The following MAF variants were observed in gnomAD, a reference collection of about 807,000 sequenced individuals.
The protein encoded by MAF is MAF bZIP transcription factor.
In MAF, 10 loss-of-function variants were observed where a neutral mutation model predicts 22.0. The observed-to-expected ratio is 0.45, with a 90% CI of 0.28 to 0.77. The LOEUF is 0.77. MAF is among the 30% of genes least tolerant of loss of function. The pLI is 0.12. For synonymous variants in MAF, 337 were observed against 255.8 expected (o/e 1.32, Z -3.03); for missense variants, 544 against 548.4 (o/e 0.99, Z 0.08).
the MAF span, among the ~76,000 whole-genome samples, chr16:79,449,265 A>G: frequency 6.6e-6 from 1 of 152,178 alleles, no homozygotes; most frequent in African/African-American, 2.4e-5. Flanking sequence ...TGCCCTCTTG[A>G]TGCGCTGCCC....
the MAF span, among the ~76,000 whole-genome samples, chr16:79,507,982 C>T: frequency 1.3e-5 from 2 of 152,014 alleles, no homozygotes; most frequent in African/African-American, 2.4e-5. Flanking sequence ...TGGTGATGGC[C>T]GCAGTCCTGC....
chr16:79,452,861 G>A, the MAF span, among the ~76,000 whole-genome samples: 19 of 152,244 alleles, frequency 1.2e-4, no homozygotes, highest in Admixed American at 1.2e-3. Flanking sequence ...TTACAGAGTC[G>A]CGAGATGAAA....
chr16:79,376,891 T>C, the MAF span, among the ~76,000 whole-genome samples: 1 of 152,356 alleles, frequency 6.6e-6, no homozygotes, highest in East Asian at 1.9e-4. Flanking sequence ...CCATGGTGTA[T>C]ATATGCCACA....
the MAF span, among the ~76,000 whole-genome samples, chr16:79,314,944 G>A: frequency 1.3e-5 from 2 of 152,196 alleles, no homozygotes; most frequent in Non-Finnish European, 2.9e-5. Context: ...TGGCAAGGAG[G>A]AAGCAAAATC....
chr16:79,503,333 G>A, the MAF span, among the ~76,000 whole-genome samples: 2 of 152,036 alleles, frequency 1.3e-5, no homozygotes, highest in Non-Finnish European at 1.5e-5. Context: ...ACCACAAAGC[G>A]ACCATCATTT....
the MAF span, among the ~76,000 whole-genome samples, chr16:79,475,957 A>G: frequency 6.6e-6 from 1 of 152,172 alleles, no homozygotes; most frequent in East Asian, 1.9e-4. Flanking sequence ...ATTAGATAGA[A>G]AAGGTGCAGG....
the MAF span, among the ~76,000 whole-genome samples, chr16:79,276,983 C>T: frequency 6.6e-6 from 1 of 152,086 alleles, no homozygotes; most frequent in Non-Finnish European, 1.5e-5. Flanking sequence ...GTTCTCATTT[C>T]TCATGGTGTT....
the MAF span, chr16:79,211,958 G>C: frequency 3.5e-4 from 544 of 1,536,214 alleles, 3 homozygotes; most frequent in African/African-American, 4.9e-3. Context: ...GTACCAATGG[G>C]AAGCAGGGAA....
intron 1 of MAF, 145 bp downstream of exon 1, chr16:79,598,639 AG>A: frequency 6.0e-6 from 8 of 1,327,190 alleles, no homozygotes; most frequent in Non-Finnish European, 6.9e-6. Context: ...GTGTGTGTGT[AG>A]GGGGCCAAGG....
chr16:79,326,648 T>TAC, the MAF span, among the ~76,000 whole-genome samples: 1 of 151,780 alleles, frequency 6.6e-6, no homozygotes, highest in Non-Finnish European at 1.5e-5. Context: ...ACGGTTTCTG[T>TAC]TGCAACTGTT....
At chr16:79,598,455 TAAAAA>T in intron 1 of MAF, 3 of 1,086,872 alleles carry the variant, frequency 2.8e-6, no homozygotes, top group South Asian at 2.0e-5. Context: ...CGGGGGGGTG[TAAAAA>T]AAAAAAAAAA....
At chr16:79,256,017 G>C in the MAF span, among the ~76,000 whole-genome samples, 1 of 114,100 alleles carries the variant, frequency 8.8e-6, no homozygotes, top group Non-Finnish European at 1.7e-5. Flanking sequence ...GAATCTTGCT[G>C]TATTGCCAGG....
At chr16:79,221,799 A>C in the MAF span, among the ~76,000 whole-genome samples, 7 of 151,014 alleles carry the variant, frequency 4.6e-5, no homozygotes, top group African/African-American at 1.7e-4. Flanking sequence ...CAGGAGTTTC[A>C]GAATTCAAAA....
chr16:79,522,321 T>C, the MAF span, among the ~76,000 whole-genome samples: 6 of 152,170 alleles, frequency 3.9e-5, no homozygotes, highest in African/African-American at 1.2e-4. Context: ...TGCAAGGCAG[T>C]TCCTCAGTGA....
rs920081311 is a variant in MAF, at chr16:79,600,340, G to C, written c.-438C>G. 3.0e-5 allele frequency: 6 copies of C among 199,642 alleles called. No individual in the cohort carries two copies. Among genetic ancestry groups the C allele is most frequent in the East Asian group, 1.9e-4 (2 of 10,800 alleles). The allele number at this position is 199,642 out of a possible 1,614,324, so 12.4% of individuals were successfully genotyped here. ...TGCATAAGGAAGGGCTCGCCTCGCCGGCCCGGGCTGCAGGCAGGGCGCGCG... is the reference window on the plus strand; with the variant it reads ...TGCATAAGGAAGGGCTCGCCTCGCCCGCCCGGGCTGCAGGCAGGGCGCGCG... On this transcript the variant is annotated 5_prime_UTR_variant, in exon 1 of 2. Coordinates refer to ENST00000326043, the MANE Select transcript of MAF (RefSeq NM_005360.5).
chr16:79,217,237 T>A, the MAF span, among the ~76,000 whole-genome samples: 1 of 152,210 alleles, frequency 6.6e-6, no homozygotes, highest in African/African-American at 2.4e-5. Flanking sequence ...CTCTCCACAG[T>A]CTCATAGCTG....
At chr16:79,327,252 A>G in the MAF span, among the ~76,000 whole-genome samples, 1 of 152,238 alleles carries the variant, frequency 6.6e-6, no homozygotes, top group East Asian at 1.9e-4. Context: ...GGTGGAGGGT[A>G]TAGAACTAGT....
intron 1 of MAF, 96 bp downstream of exon 1, chr16:79,598,689 G>T: frequency 4.5e-6 from 7 of 1,571,702 alleles, no homozygotes; most frequent in Non-Finnish European, 5.2e-6. Context: ...TGAGGTGGTG[G>T]CGAGCATGGC....
chr16:79,419,606 C>A, the MAF span, among the ~76,000 whole-genome samples: 1 of 152,154 alleles, frequency 6.6e-6, no homozygotes, highest in African/African-American at 2.4e-5. Context: ...TCTGGAAAAA[C>A]AAGATCTGAC....
Sources: allele counts gnomAD v4.1 joint callset (sites outside exome capture counted in the v4.1 genomes callset), GRCh38; gene constraint gnomAD v4.1.1; transcripts MANE v1.5; gene names NCBI Gene and HGNC (gene_info 2026-07-23, HGNC 2026-07-21).